The following TOX variants were observed in gnomAD, a reference collection of about 807,000 sequenced individuals.
TOX encodes thymocyte selection associated high mobility group box, also known as thymocyte selection-associated high mobility group box protein TOX.
A neutral mutation model predicts 53.7 loss-of-function variants in TOX; 11 were observed. The ratio of observed to expected loss-of-function variants is 0.20; its 90% CI spans 0.13 to 0.34. The LOEUF (loss-of-function observed/expected upper bound fraction) is 0.34. Among genes scored for constraint, TOX ranks in the 10% least tolerant of loss-of-function variants. The probability of loss-of-function intolerance (pLI) is 1.00; values close to 1 mark genes in which losing one functional copy is unlikely to be tolerated. For missense variants in TOX, 570 were observed against 664.6 expected (o/e 0.86, Z 1.56); for synonymous variants, 225 against 245.3 (o/e 0.92, Z 0.77).
intron 1 of TOX, among the ~76,000 whole-genome samples, chr8:59,066,120 C>T (rs549163984): frequency 2.3e-4 from 35 of 152,352 alleles, no homozygotes; most frequent in African/African-American, 7.7e-4. Context: ...GAACCACCCT[C>T]TTCCTTCTTG....
chr8:59,042,331 G>A (rs766035929), intron 1 of TOX, among the ~76,000 whole-genome samples: 3 of 152,178 alleles, frequency 2.0e-5, no homozygotes, highest in African/African-American at 4.8e-5. Flanking sequence ...ACTGAAGTCA[G>A]AACGCCATTT....
intron 2 of TOX, among the ~76,000 whole-genome samples, chr8:58,955,732 C>CTTT (rs35575258): frequency 2.0e-4 from 26 of 130,376 alleles, no homozygotes; most frequent in African/African-American, 6.2e-4. Flanking sequence ...GAAAAGGACA[C>CTTT]TTTTTTTTTT....
intron 8 of TOX, 34 bp downstream of exon 8, chr8:58,808,083 TG>T: frequency 6.3e-7 from 1 of 1,591,650 alleles, no homozygotes; most frequent in East Asian, 2.2e-5. Context: ...CTATGAGCGC[TG>T]TCCACCACCA....
intron 4 of TOX, among the ~76,000 whole-genome samples, chr8:58,838,672 G>A (rs893028042): frequency 9.5e-5 from 11 of 116,000 alleles, no homozygotes; most frequent in African/African-American, 3.8e-4. Flanking sequence ...AATCTAACTT[G>A]TTTTCTTCTA....
At chr8:58,862,702 A>G (rs1020736911) in intron 3 of TOX, among the ~76,000 whole-genome samples, 1 of 152,144 alleles carries the variant, frequency 6.6e-6, no homozygotes, top group Admixed American at 6.6e-5. Flanking sequence ...TCTGGTTTTT[A>G]TAAAAGTTGG....
intron 4 of TOX, among the ~76,000 whole-genome samples, chr8:58,848,722 C>T (rs748423259): frequency 1.3e-5 from 2 of 152,064 alleles, no homozygotes; most frequent in Non-Finnish European, 2.9e-5. Flanking sequence ...AGGCTGTCAA[C>T]ACAGTTTCCT....
At chr8:59,095,056 T>C (rs1804691526) in intron 1 of TOX, among the ~76,000 whole-genome samples, 1 of 152,224 alleles carries the variant, frequency 6.6e-6, no homozygotes. Context: ...CTGTCTTATA[T>C]CATCATTTAC....
chr8:58,898,843 G>A (rs1811690809), intron 3 of TOX, among the ~76,000 whole-genome samples: 1 of 152,170 alleles, frequency 6.6e-6, no homozygotes, highest in African/African-American at 2.4e-5. Flanking sequence ...GCTCCACGTT[G>A]CAAATTGACT....
chr8:58,931,620 A>G (rs1812254882), intron 3 of TOX, among the ~76,000 whole-genome samples: 2 of 152,210 alleles, frequency 1.3e-5, no homozygotes, highest in South Asian at 4.1e-4. Context: ...TTACAAGGTT[A>G]ATTAAGCACA....
chr8:58,963,313 A>G (rs1025913872), intron 1 of TOX, among the ~76,000 whole-genome samples: 1 of 102,820 alleles, frequency 9.7e-6, no homozygotes, highest in African/African-American at 3.5e-5. Flanking sequence ...ATAGATATAT[A>G]TATAGATAGA....
At chr8:59,032,436 T>C (rs1814375712) in intron 1 of TOX, among the ~76,000 whole-genome samples, 1 of 152,208 alleles carries the variant, frequency 6.6e-6, no homozygotes. Flanking sequence ...AAACATTGTT[T>C]TCAGTTTTGT....
At chr8:59,031,307 C>G (rs777466400) in intron 1 of TOX, among the ~76,000 whole-genome samples, 2 of 152,180 alleles carry the variant, frequency 1.3e-5, no homozygotes, top group Non-Finnish European at 2.9e-5. Context: ...ACTTCTAGGA[C>G]AAGATGTACA....
intron 4 of TOX, among the ~76,000 whole-genome samples, chr8:58,849,833 A>T (rs61049278): frequency 0.061 from 9,329 of 152,226 alleles, 584 homozygotes; most frequent in African/African-American, 0.15. Context: ...TGTTTAGCAA[A>T]TTGACTTGAA....
chr8:59,069,360 AAAAC>A lies in TOX; in HGVS notation c.102+49522_102+49525del, dbSNP rs1379476616. ...CCTCCACATTAGAGATTACAGTAGG[AAAAC>A]AAACAGGCTTGGGAGGAGAGGTGTT... is the stretch of plus-strand genomic sequence containing the variant. On this transcript the variant is annotated intron_variant, in intron 1 of 8. Coordinates refer to ENST00000361421, the MANE Select transcript of TOX (RefSeq NM_014729.3). Among the ~76,000 whole-genome samples the A allele has an allele frequency of 2.0e-5, 3 of 152,170 alleles. No individual in the cohort carries two copies. In the East Asian group the frequency reaches 5.8e-4, roughly 29 times the overall value.
rs139428818 is a variant in TOX, at chr8:59,073,050, T to C, written c.102+45836A>G. Among the ~76,000 whole-genome samples the C allele has an allele frequency of 3.7e-4, 57 of 152,288 alleles. 1 individual carries two copies. In the East Asian group the frequency reaches 9.4e-3, roughly 25 times the overall value. Reference sequence around the variant, plus strand: ...CACATTTTTGCTGTCTCCTGAATGATTGAAAAATTTAAGTTCAAATGGAAA... The same window carrying C: ...CACATTTTTGCTGTCTCCTGAATGACTGAAAAATTTAAGTTCAAATGGAAA... On this transcript the variant is annotated intron_variant, in intron 1 of 8. Transcript: ENST00000361421.
intron 3 of TOX, among the ~76,000 whole-genome samples, chr8:58,888,933 A>G (rs1479388449): frequency 2.0e-5 from 3 of 152,068 alleles, no homozygotes; most frequent in Non-Finnish European, 4.4e-5. Flanking sequence ...CAAGCAAAAG[A>G]AAATATGAAT....
At chr8:58,935,092 T>G (rs895242113) in intron 3 of TOX, among the ~76,000 whole-genome samples, 1 of 152,214 alleles carries the variant, frequency 6.6e-6, no homozygotes, top group Non-Finnish European at 1.5e-5. Context: ...ACTGTATCAC[T>G]TATGTTGCCA....
intron 3 of TOX, among the ~76,000 whole-genome samples, chr8:58,860,032 T>A (rs1810981301): frequency 6.6e-6 from 1 of 152,158 alleles, no homozygotes; most frequent in East Asian, 1.9e-4. Context: ...GAAAGAAGTG[T>A]CTTAGTTGCT....
chr8:59,015,278 C>G (rs984104656), intron 1 of TOX, among the ~76,000 whole-genome samples: 11 of 152,206 alleles, frequency 7.2e-5, no homozygotes, highest in Non-Finnish European at 1.5e-4. Context: ...TGAGCCCCTA[C>G]TGCTAGGTGC....
Sources: gnomAD v4.1 joint callset for allele counts (sites outside exome capture counted in the v4.1 genomes callset) on GRCh38, gnomAD v4.1.1 for gene constraint, MANE v1.5 for transcripts, NCBI Gene and HGNC (gene_info 2026-07-23, HGNC 2026-07-21) for gene names.